Variants in RORA observed in about 807,000 individuals in gnomAD.
RORA encodes RAR related orphan receptor A.
Under a neutral mutation model 69.5 loss-of-function variants are expected in RORA, and 7 were observed. The ratio of observed to expected loss-of-function variants is 0.10; its 90% CI spans 0.06 to 0.19. The LOEUF is 0.19. RORA is among the 10% of genes least tolerant of loss of function. The pLI, the probability that RORA is intolerant of heterozygous loss-of-function variation, is 1.00. For synonymous variants in RORA, 261 were observed against 240.8 expected (o/e 1.08, Z -0.78); for missense variants, 457 against 663.0 (o/e 0.69, Z 3.41).
At chr15:61,167,482 ATTTTTTTTTTTTTT>A (rs199752865) in intron 1 of RORA, among the ~76,000 whole-genome samples, 578 of 133,588 alleles carry the variant, frequency 4.3e-3, no homozygotes, top group Non-Finnish European at 6.3e-3. Flanking sequence ...TTTGACCAGG[ATTTTTTTTTTTTTT>A]TTTTTTTTTT....
Position 60,568,393 on chromosome 15 carries a change from G to A in RORA, c.197-36542C>T, listed in dbSNP as rs190413012. Among the ~76,000 whole-genome samples, 27 of 152,330 alleles carry A rather than the reference G, an allele frequency of 1.8e-4. 1 individual carries two copies. Among genetic ancestry groups the A allele is most frequent in the Admixed American group, 1.7e-3 (26 of 15,304 alleles). ...TCCATGAGGCAGCATGGCAGTGAAGGCTTTCTCTGCTCTCTACTGCTGATG... is the reference window on the plus strand; with the variant it reads ...TCCATGAGGCAGCATGGCAGTGAAGACTTTCTCTGCTCTCTACTGCTGATG... On this transcript the variant is annotated intron_variant, in intron 2 of 10. Transcript: ENST00000335670.
At chr15:60,509,675 T>G (rs1478488008) in intron 5 of RORA, among the ~76,000 whole-genome samples, 1 of 152,188 alleles carries the variant, frequency 6.6e-6, no homozygotes, top group Non-Finnish European at 1.5e-5. Flanking sequence ...TGGTATCATG[T>G]CAGCTTTCAA....
chr15:61,022,900 A>T (rs886332054), intron 1 of RORA, among the ~76,000 whole-genome samples: 4 of 152,004 alleles, frequency 2.6e-5, no homozygotes, highest in Non-Finnish European at 4.4e-5. Flanking sequence ...TTAAGAACTG[A>T]CAGGCCGGGC....
At chr15:60,717,749 T>G (rs771168727) in intron 1 of RORA, among the ~76,000 whole-genome samples, 1 of 151,644 alleles carries the variant, frequency 6.6e-6, no homozygotes, top group East Asian at 1.9e-4. Context: ...AAACTCTGGA[T>G]AATTGATTAA....
intron 1 of RORA, among the ~76,000 whole-genome samples, chr15:60,890,780 G>C (rs1350092568): frequency 6.6e-6 from 1 of 152,214 alleles, no homozygotes; most frequent in Non-Finnish European, 1.5e-5. Context: ...AGAAGTACTT[G>C]CTCTTGAGAC....
chr15:60,866,782 T>C (rs1458915928), intron 1 of RORA, among the ~76,000 whole-genome samples: 1 of 152,110 alleles, frequency 6.6e-6, no homozygotes, highest in Non-Finnish European at 1.5e-5. Flanking sequence ...GTCTTATGCA[T>C]CTTTTCCATC....
intron 1 of RORA, among the ~76,000 whole-genome samples, chr15:61,060,083 G>C (rs557177634): frequency 6.6e-6 from 1 of 152,048 alleles, no homozygotes; most frequent in African/African-American, 2.4e-5. Context: ...CCAACTACTA[G>C]TTCCATGGAG....
At chr15:60,974,782 G>C (rs549737238) in intron 1 of RORA, among the ~76,000 whole-genome samples, 1 of 152,114 alleles carries the variant, frequency 6.6e-6, no homozygotes, top group Non-Finnish European at 1.5e-5. Context: ...CCCCAGCGTG[G>C]GGCAAGGGGA....
At chr15:60,832,241 T>G (rs341393) in intron 1 of RORA, among the ~76,000 whole-genome samples, 1 of 151,956 alleles carries the variant, frequency 6.6e-6, no homozygotes, top group Non-Finnish European at 1.5e-5. Flanking sequence ...GGCCCTAGAA[T>G]GAGGCTGACA....
chr15:60,705,047 G>A (rs573247599), intron 1 of RORA, among the ~76,000 whole-genome samples: 4 of 151,688 alleles, frequency 2.6e-5, no homozygotes, highest in Admixed American at 1.3e-4. Context: ...CTGAGTTTTC[G>A]TCTCGAAAAT....
intron 1 of RORA, among the ~76,000 whole-genome samples, chr15:61,026,209 TTTTG>T (rs1300463204): frequency 2.0e-5 from 3 of 152,232 alleles, no homozygotes; most frequent in Non-Finnish European, 2.9e-5. Flanking sequence ...AACTGTCCAC[TTTTG>T]TTTTTTACCT....
chr15:60,715,332 T>TAA (rs2071205971), intron 1 of RORA, among the ~76,000 whole-genome samples: 1 of 152,200 alleles, frequency 6.6e-6, no homozygotes, highest in Non-Finnish European at 1.5e-5. Flanking sequence ...GAGAAACTTT[T>TAA]TTGAACACAA....
intron 1 of RORA, among the ~76,000 whole-genome samples, chr15:61,145,470 C>T (rs2079338019): frequency 6.6e-6 from 1 of 152,218 alleles, no homozygotes; most frequent in Non-Finnish European, 1.5e-5. Context: ...ATGCTCCTAC[C>T]TCCCAGGGTA....
intron 1 of RORA, among the ~76,000 whole-genome samples, chr15:60,927,301 G>C (rs1225216937): frequency 6.6e-6 from 1 of 152,230 alleles, no homozygotes; most frequent in Non-Finnish European, 1.5e-5. Context: ...ATGGAATGGA[G>C]GCAAAGGATG....
At chr15:60,952,734 G>C (rs1893146477) in intron 1 of RORA, among the ~76,000 whole-genome samples, 1 of 149,908 alleles carries the variant, frequency 6.7e-6, no homozygotes, top group Non-Finnish European at 1.5e-5. Context: ...CAACTTACAA[G>C]GGATGTGAAG....
chr15:60,947,969 T>G (rs1237455217), intron 1 of RORA, among the ~76,000 whole-genome samples: 1 of 152,154 alleles, frequency 6.6e-6, no homozygotes, highest in African/African-American at 2.4e-5. Context: ...TATGGCCACC[T>G]GTGGGCATCT....
chr15:60,517,279 G>A (rs1420059912), intron 3 of RORA, among the ~76,000 whole-genome samples: 1 of 151,796 alleles, frequency 6.6e-6, no homozygotes, highest in Non-Finnish European at 1.5e-5. Flanking sequence ...GATGGGACAG[G>A]GCAGGACCCT....
In RORA at chr15:60,631,330, T is replaced by A. The variant is rs185638263; in HGVS notation, c.196+47327A>T. ...TAAGCACTGTTCACAGTTTTCCCCCTCATATTACTTCTGTAACAACCTTGA... is the reference window on the plus strand; with the variant it reads ...TAAGCACTGTTCACAGTTTTCCCCCACATATTACTTCTGTAACAACCTTGA... On this transcript the variant is annotated intron_variant, in intron 2 of 10. Coordinates refer to ENST00000335670, the MANE Select transcript of RORA (RefSeq NM_134261.3). 6.6e-3 allele frequency among the ~76,000 whole-genome samples: 1,001 copies of A among 152,270 alleles called. 3 individuals carry two copies. Among genetic ancestry groups the A allele is most frequent in the South Asian group, 0.025 (123 of 4,824 alleles).
intron 1 of RORA, among the ~76,000 whole-genome samples, chr15:61,117,574 T>C (rs1293993143): frequency 6.6e-6 from 1 of 152,236 alleles, no homozygotes; most frequent in Non-Finnish European, 1.5e-5. Flanking sequence ...CGAAGTGCCA[T>C]GCTTCATCTT....
Sources: allele counts gnomAD v4.1 joint callset (sites outside exome capture counted in the v4.1 genomes callset), GRCh38; gene constraint gnomAD v4.1.1; transcripts MANE v1.5; gene names NCBI Gene and HGNC (gene_info 2026-07-23, HGNC 2026-07-21).